The following HS3ST4 variants were observed in gnomAD, a reference collection of about 807,000 sequenced individuals.
HS3ST4 encodes the protein heparan sulfate-glucosamine 3-sulfotransferase 4.
Under a neutral mutation model 29.2 loss-of-function variants are expected in HS3ST4, and 17 were observed. The ratio of observed to expected loss-of-function variants is 0.58; its 90% confidence interval spans 0.40 to 0.87. HS3ST4 has a LOEUF of 0.87. Among genes scored for constraint, HS3ST4 ranks in the 40% least tolerant of loss-of-function variants. The pLI is 0.00. For synonymous variants in HS3ST4, 314 were observed against 285.7 expected, an observed-to-expected ratio of 1.10 and a Z score of -1.00; for missense variants, 627 against 634.5, an observed-to-expected ratio of 0.99 and a Z score of 0.13.
chr16:25,848,776 T>G (rs1380808655), intron 1 of HS3ST4, among the ~76,000 whole-genome samples: 5 of 151,996 alleles, frequency 3.3e-5, no homozygotes, highest in African/African-American at 1.2e-4. Flanking sequence ...GCTTTTATCT[T>G]TATTCCTTCT....
chr16:26,036,387 A>G (rs911452564), intron 1 of HS3ST4, among the ~76,000 whole-genome samples: 1 of 152,216 alleles, frequency 6.6e-6, no homozygotes, highest in East Asian at 1.9e-4. Context: ...CTAGAACTGA[A>G]CTAGGGTTAG....
chr16:25,769,518 G>T (rs1966839377), intron 1 of HS3ST4, among the ~76,000 whole-genome samples: 1 of 152,160 alleles, frequency 6.6e-6, no homozygotes, highest in South Asian at 2.1e-4. Context: ...TTTTCCATTT[G>T]TGATGCTCTG....
chr16:26,082,956 A>T (rs972046465), intron 1 of HS3ST4, among the ~76,000 whole-genome samples: 1 of 152,232 alleles, frequency 6.6e-6, no homozygotes, highest in Non-Finnish European at 1.5e-5. Context: ...AGCATCCATC[A>T]CAGGGGTTTG....
intron 1 of HS3ST4, among the ~76,000 whole-genome samples, chr16:26,076,807 G>A (rs993245955): frequency 2.0e-5 from 3 of 152,202 alleles, no homozygotes; most frequent in African/African-American, 7.2e-5. Flanking sequence ...ATTGTTCAGA[G>A]TGGTTAAGGA....
chr16:25,976,781 T>C (rs1231653080), intron 1 of HS3ST4, among the ~76,000 whole-genome samples: 1 of 152,136 alleles, frequency 6.6e-6, no homozygotes, highest in African/African-American at 2.4e-5. Context: ...TAATACATAT[T>C]ATTGGCTTTG....
chr16:26,038,715 TCAAA>T (rs201862458), intron 1 of HS3ST4, among the ~76,000 whole-genome samples: 2,465 of 152,088 alleles, frequency 0.016, 64 homozygotes, highest in African/African-American at 0.055. Context: ...AGTCTGGCTC[TCAAA>T]ATTGTCCAGG....
At chr16:26,033,385 G>T (rs1393985119) in intron 1 of HS3ST4, among the ~76,000 whole-genome samples, 5 of 151,808 alleles carry the variant, frequency 3.3e-5, no homozygotes, top group African/African-American at 4.8e-5. Context: ...CCTGGTGGTG[G>T]AAGCCTGTAA....
chr16:25,739,056 T>C (rs1040494500), intron 1 of HS3ST4, among the ~76,000 whole-genome samples: 11 of 152,146 alleles, frequency 7.2e-5, no homozygotes, highest in Non-Finnish European at 1.6e-4. Flanking sequence ...TAAATACTTG[T>C]TGAGGTTGGG....
intron 1 of HS3ST4, among the ~76,000 whole-genome samples, chr16:25,700,212 A>G (rs560916739): frequency 3.3e-5 from 5 of 152,330 alleles, no homozygotes; most frequent in African/African-American, 9.6e-5. Flanking sequence ...GTATGATTTC[A>G]TGAGGTAACT....
intron 1 of HS3ST4, among the ~76,000 whole-genome samples, chr16:25,888,594 C>T (rs1158633548): frequency 4.6e-5 from 7 of 152,342 alleles, no homozygotes; most frequent in African/African-American, 1.7e-4. Context: ...CAGGGTGCTG[C>T]TCTGCTCTGA....
At chr16:25,894,592 G>T in intron 1 of HS3ST4, among the ~76,000 whole-genome samples, 1 of 150,412 alleles carries the variant, frequency 6.6e-6, no homozygotes, top group East Asian at 2.0e-4. Context: ...TGCAACCTCC[G>T]CCTCCCAGGT....
intron 1 of HS3ST4, among the ~76,000 whole-genome samples, chr16:25,736,148 G>A (rs1027439405): frequency 5.3e-5 from 8 of 152,306 alleles, no homozygotes; most frequent in East Asian, 1.9e-4. Context: ...GGCTTCCCAC[G>A]TTGTCTGAGC....
chr16:26,055,554 T>C (rs2141768384), intron 1 of HS3ST4, among the ~76,000 whole-genome samples: 1 of 152,204 alleles, frequency 6.6e-6, no homozygotes, highest in East Asian at 1.9e-4. Flanking sequence ...TAGTTCTGGG[T>C]GTTACTCACT....
intron 1 of HS3ST4, among the ~76,000 whole-genome samples, chr16:26,083,365 C>CT (rs1240384780): frequency 6.6e-6 from 1 of 152,214 alleles, no homozygotes; most frequent in African/African-American, 2.4e-5. Context: ...TTGTGGCTAG[C>CT]TTAAGCATTA....
chr16:25,694,767 G>GTT (rs796292619), intron 1 of HS3ST4, among the ~76,000 whole-genome samples: 66 of 144,860 alleles, frequency 4.6e-4, no homozygotes, highest in African/African-American at 1.2e-3. Flanking sequence ...GGGTAATTGC[G>GTT]TTTTTTTTTT....
intron 1 of HS3ST4, among the ~76,000 whole-genome samples, chr16:26,024,167 G>A (rs924553227): frequency 2.0e-5 from 3 of 149,718 alleles, no homozygotes; most frequent in African/African-American, 7.4e-5. Flanking sequence ...AGGTTGCAGT[G>A]AGCAGAGATC....
intron 1 of HS3ST4, among the ~76,000 whole-genome samples, chr16:25,985,967 G>A (rs1020935117): frequency 2.0e-5 from 3 of 152,082 alleles, no homozygotes; most frequent in South Asian, 4.2e-4. Flanking sequence ...TTACAGGCAC[G>A]GCCCACCATA....
rs185712938 is a variant in HS3ST4 at position 26,041,333 on chromosome 16, A to G, written c.735-94279A>G. 2.4e-3 allele frequency among the ~76,000 whole-genome samples: 363 copies of G among 152,090 alleles called. 4 individuals carry two copies. The highest frequency in any genetic ancestry group is 4.9e-3 in the Admixed American group (75 of 15,288). On this transcript the variant is annotated intron_variant, in intron 1 of 1. Transcript: ENST00000331351. ...CCAGCTTGGGCAACAGAGTGAGGCTATGTCTTTAAAAATAATAATAATGAT... is the reference window on the plus strand; with the variant it reads ...CCAGCTTGGGCAACAGAGTGAGGCTGTGTCTTTAAAAATAATAATAATGAT...
chr16:25,984,375 G>T (rs1969040007), intron 1 of HS3ST4, among the ~76,000 whole-genome samples: 1 of 152,052 alleles, frequency 6.6e-6, no homozygotes, highest in Admixed American at 6.6e-5. Flanking sequence ...TTCACAACAG[G>T]GTCCATGCTC....
Sources: gnomAD v4.1 joint callset for allele counts (sites outside exome capture counted in the v4.1 genomes callset) on GRCh38, gnomAD v4.1.1 for gene constraint, MANE v1.5 for transcripts, NCBI Gene and HGNC (gene_info 2026-07-23, HGNC 2026-07-21) for gene names.